Variants in KAZALD1 observed in about 807,000 individuals in gnomAD.
KAZALD1 encodes the protein Kazal type serine peptidase inhibitor domain 1, also known as kazal-type serine protease inhibitor domain-containing protein 1.
Under a neutral mutation model 27.7 loss-of-function variants are expected in KAZALD1, and 31 were observed. The observed-to-expected ratio is 1.12, with a 90% CI of 0.84 to 1.51. The LOEUF is 1.51. KAZALD1 is among the 40% of genes most tolerant of loss of function. KAZALD1 has a pLI of 0.00. For synonymous variants in KAZALD1, 179 were observed against 182.0 expected (o/e 0.98, Z 0.13); for missense variants, 444 against 408.9 (o/e 1.09, Z -0.74).
At chr10:101,062,301 C>T (rs1057340338) in intron 1 of KAZALD1, among the ~76,000 whole-genome samples, 186 bp downstream of exon 1, 15 of 152,198 alleles carry the variant, frequency 9.9e-5, no homozygotes, top group African/African-American at 3.6e-4. Flanking sequence ...GCGCCTGAGC[C>T]TTATCACCCT....
downstream of KAZALD1, chr10:101,067,830 A>C (rs927002722): frequency 3.2e-5 from 14 of 436,732 alleles, no homozygotes; most frequent in Non-Finnish European, 6.2e-5. Flanking sequence ...CGAGAGATGA[A>C]CCCGACTCAG....
In KAZALD1 at chr10:101,066,877, G is replaced by C. The variant is rs528227470; in HGVS notation, c.*1957G>C. On this transcript the variant is annotated 3_prime_UTR_variant, in exon 5 of 5. Coordinates refer to ENST00000370200, the MANE Select transcript of KAZALD1 (RefSeq NM_030929.5). ...TCAGTTTTCCCCTCCCCGCCCTGCT[G>C]GTTCAAGCACCACAGCCTGGAATGG... 6.2e-4 allele frequency: 197 copies of C among 316,398 alleles called. No homozygotes were observed. Among genetic ancestry groups the C allele is most frequent in the Non-Finnish European group, 9.9e-4 (161 of 162,472 alleles). The allele number at this position is 316,398 out of a possible 1,614,324, so 19.6% of individuals were successfully genotyped here.
chr10:101,064,461 C>A, intron 3 of KAZALD1, 40 bp downstream of exon 3: 1 of 1,614,130 alleles, frequency 6.2e-7, no homozygotes, highest in East Asian at 2.2e-5. Flanking sequence ...CAGCCCAGGG[C>A]CCTCCAGAAG....
intron 2 of KAZALD1, among the ~76,000 whole-genome samples, chr10:101,063,860 G>A (rs937917475): frequency 6.6e-6 from 1 of 152,256 alleles, no homozygotes; most frequent in Non-Finnish European, 1.5e-5. Context: ...AACTGGGCCT[G>A]TTTAGAAAAG....
In KAZALD1 at chr10:101,066,843, C is replaced by G. The variant is rs1939337237; in HGVS notation, c.*1923C>G. On this transcript the variant is annotated 3_prime_UTR_variant, in exon 5 of 5. Transcript: ENST00000370200. ...TTTGTAGGTGTTCAGGAGCAGCCTC[C>G]TAGCAGCCTCAGTTTTCCCCTCCCC... 1 of 320,890 alleles carries G rather than the reference C, an allele frequency of 3.1e-6. No homozygotes were observed. The highest frequency in any genetic ancestry group is 2.2e-5 in the African/African-American group (1 of 45,816). 19.9% of individuals were successfully genotyped at this position (320,890 alleles called of 1,614,324 possible).
In KAZALD1 at chr10:101,064,999, G is replaced by C. The variant is rs189458098; in HGVS notation, c.*79G>C. 9.3e-4 allele frequency: 977 copies of C among 1,046,228 alleles called. 5 individuals are homozygous for C. In the African/African-American group the frequency reaches 0.012, roughly 13 times the overall value. 64.8% of individuals were successfully genotyped at this position (1,046,228 alleles called of 1,614,324 possible). ...CTCTTGAAAAGACCTGGAAAGGGGA[G>C]CAGGGTCCCTTCATCGACTGCTTTC... is the stretch of plus-strand genomic sequence containing the variant. On this transcript the variant is annotated 3_prime_UTR_variant, in exon 5 of 5. Coordinates refer to ENST00000370200, the MANE Select transcript of KAZALD1 (RefSeq NM_030929.5).
chr10:101,067,140 AG>A, downstream of KAZALD1: 1 of 323,778 alleles, frequency 3.1e-6, no homozygotes. Flanking sequence ...AAGGCAGGGG[AG>A]GGGGAGGGAG....
chr10:101,064,938 A>G lies in KAZALD1; in HGVS notation c.*18A>G, dbSNP rs200601082. ...ACTACTAGGTCCAGAGCTCTGGCCC[A>G]TGGGGGTGGGTGAGCGGCTATAGTG... On this transcript the variant is annotated 3_prime_UTR_variant, in exon 5 of 5. Transcript: ENST00000370200. 11 of 1,576,620 alleles carry G rather than the reference A, an allele frequency of 7.0e-6. No individual in the cohort carries two copies. Among genetic ancestry groups the G allele is most frequent in the African/African-American group, 6.7e-5 (5 of 74,234 alleles).
intron 4 of KAZALD1, 77 bp downstream of exon 4, chr10:101,064,725 T>C: frequency 6.3e-7 from 1 of 1,599,236 alleles, no homozygotes; most frequent in Non-Finnish European, 8.6e-7. Context: ...AAACAGACCA[T>C]GTGTCTGTAT....
Position 101,066,037 on chromosome 10 carries a change from T to C in KAZALD1, c.*1117T>C, listed in dbSNP as rs922358780. Among the ~76,000 whole-genome samples, 1 of 152,258 alleles carries C rather than the reference T, an allele frequency of 6.6e-6. No homozygotes were observed. The highest frequency in any genetic ancestry group is 1.5e-5 in the Non-Finnish European group (1 of 68,044). On this transcript the variant is annotated 3_prime_UTR_variant, in exon 5 of 5. Coordinates refer to ENST00000370200, the MANE Select transcript of KAZALD1 (RefSeq NM_030929.5). Reference sequence around the variant, plus strand: ...AGTCATGGTAAGGCTGTTTCCTATCTGCCCCAATTGTGACCTGTCCTCTCT... The same window carrying C: ...AGTCATGGTAAGGCTGTTTCCTATCCGCCCCAATTGTGACCTGTCCTCTCT...
chr10:101,067,164 G>A (rs1371541607), downstream of KAZALD1: 4 of 422,158 alleles, frequency 9.5e-6, no homozygotes, highest in South Asian at 6.5e-5. Flanking sequence ...GGAGGGAGGA[G>A]GAGGGGGAGG....
Position 101,065,776 on chromosome 10 carries a change from T to C in KAZALD1, c.*856T>C, listed in dbSNP as rs1034856111. ...GGGAGGGAGGCTGGAGCCATATGGC[T>C]GGAGGGAAGTTATCTTCCCCGTCTG... On this transcript the variant is annotated 3_prime_UTR_variant, in exon 5 of 5. Transcript: ENST00000370200. Among the ~76,000 whole-genome samples the C allele has an allele frequency of 1.3e-5, 2 of 152,240 alleles. No individual in the cohort carries two copies. Among genetic ancestry groups the C allele is most frequent in the Admixed American group, 1.3e-4 (2 of 15,280 alleles).
In KAZALD1 at chr10:101,062,773, T is replaced by TGCGCC. The variant is rs1361030231; in HGVS notation, c.190_194dup (p.Gly66ArgfsTer53). 20 of 1,550,368 alleles carry TGCGCC rather than the reference T, an allele frequency of 1.3e-5. No individual in the cohort carries two copies. The highest frequency in any genetic ancestry group is 1.6e-5 in the Non-Finnish European group (18 of 1,157,764). On this transcript the variant is annotated frameshift_variant, in exon 2 of 5. Coordinates refer to ENST00000370200, the MANE Select transcript of KAZALD1 (RefSeq NM_030929.5). LOFTEE classifies it high-confidence loss of function. ...CTGCGCTCCCTGCCGGCCAGAAGAG[T>TGCGCC]GCGCCGCGCCGCGGGGCTGCCTGGC...
rs1370987642 is a variant in KAZALD1, at chr10:101,066,733, G to C, written c.*1813G>C. 2 of 348,058 alleles carry C rather than the reference G, an allele frequency of 5.7e-6. No individual in the cohort carries two copies. The highest frequency in any genetic ancestry group is 3.9e-5 in the Admixed American group (1 of 25,926). The allele number at this position is 348,058 out of a possible 1,614,324, so 21.6% of individuals were successfully genotyped here. ...TCCTACCGCGTCCACCTGCAGAGCA[G>C]AGGCTCCTCACCAAAAGCCCCACCC... On this transcript the variant is annotated 3_prime_UTR_variant, in exon 5 of 5. Transcript: ENST00000370200.
intron 2 of KAZALD1, 188 bp from the exon 3 acceptor site, chr10:101,064,073 G>T: frequency 1.6e-6 from 1 of 631,500 alleles, no homozygotes. Context: ...TGGTACCCTT[G>T]TGTGTACCAG....
chr10:101,064,731 T>C (rs1168103894), intron 4 of KAZALD1, 83 bp downstream of exon 4: 1 of 1,604,670 alleles, frequency 6.2e-7, no homozygotes, highest in Admixed American at 1.7e-5. Flanking sequence ...ACCATGTGTC[T>C]GTATACACAA....
Position 101,065,980 on chromosome 10 carries a change from A to G in KAZALD1, c.*1060A>G, listed in dbSNP as rs1043421224. Among the ~76,000 whole-genome samples, 7 of 152,204 alleles carry G rather than the reference A, an allele frequency of 4.6e-5. No homozygotes were observed. The highest frequency in any genetic ancestry group is 7.2e-5 in the African/African-American group (3 of 41,462). ...TGGTCCATACCCTTCCCCAGCTCCC[A>G]TAGGAATCTACCCATTTCCTGCAGA... On this transcript the variant is annotated 3_prime_UTR_variant, in exon 5 of 5. Coordinates refer to ENST00000370200, the MANE Select transcript of KAZALD1 (RefSeq NM_030929.5).
chr10:101,062,421 C>G (rs1939180841), intron 1 of KAZALD1, 121 bp from the exon 2 acceptor site: 1 of 954,556 alleles, frequency 1.0e-6, no homozygotes. Flanking sequence ...TTGGGGGAGG[C>G]TACTTGGTAG....
chr10:101,064,718 C>A, intron 4 of KAZALD1, 70 bp downstream of exon 4: 1 of 1,607,010 alleles, frequency 6.2e-7, no homozygotes, highest in Non-Finnish European at 8.5e-7. Context: ...GTGTAAGAAA[C>A]AGACCATGTG....
Sources: allele counts gnomAD v4.1 joint callset (sites outside exome capture counted in the v4.1 genomes callset), GRCh38; gene constraint gnomAD v4.1.1; transcripts MANE v1.5; gene names NCBI Gene and HGNC (gene_info 2026-07-23, HGNC 2026-07-21).